Variants in STK26 observed in about 807,000 individuals in gnomAD.
STK26 encodes serine/threonine kinase 26, also known as serine/threonine-protein kinase 26.
Under a neutral mutation model 34.7 loss-of-function variants are expected in STK26, and 14 were observed. The observed-to-expected ratio is 0.40, with a 90% CI of 0.27 to 0.63. The LOEUF (loss-of-function observed/expected upper bound fraction) is 0.63. Ranked by LOEUF, STK26 falls within the 30% of genes least tolerant of loss-of-function variation. The pLI, the probability that STK26 is intolerant of heterozygous loss-of-function variation, is 0.38. For missense variants in STK26, 226 were observed against 309.1 expected, an observed-to-expected ratio of 0.73 and a Z score of 2.02; for synonymous variants, 100 against 109.8, an observed-to-expected ratio of 0.91 and a Z score of 0.56.
chrX:132,061,226 T>A (rs1437725333), intron 3 of STK26, among the ~76,000 whole-genome samples: 1 of 112,154 alleles, frequency 8.9e-6, no homozygotes, highest in Non-Finnish European at 1.9e-5. Flanking sequence ...ATTCATATGA[T>A]AGAGTATAGT....
Position 132,023,387 on chromosome X carries a change from C to T in STK26, c.-131C>T, listed in dbSNP as rs1422845190. On this transcript the variant is annotated 5_prime_UTR_variant, in exon 1 of 12. Coordinates refer to ENST00000394334, the MANE Select transcript of STK26 (RefSeq NM_016542.4). ...GCAGCAGCGGAGGCGGCTGCTTCAG[C>T]GGCGGGCGGGCGCCAGAAAGGTAGA... The T allele has an allele frequency of 3.8e-6, 2 of 533,220 alleles. No individual in the cohort carries two copies. Among genetic ancestry groups the T allele is most frequent in the Non-Finnish European group, 6.8e-6 (2 of 295,190 alleles). 43.9% of individuals were successfully genotyped at this position (533,220 alleles called of 1,213,427 possible).
intron 4 of STK26, among the ~76,000 whole-genome samples, chrX:132,067,412 C>A (rs1158955203): frequency 9.0e-6 from 1 of 110,929 alleles, no homozygotes; most frequent in African/African-American, 3.3e-5. Flanking sequence ...TTGTACAGTC[C>A]ACTGTTTGTG....
intron 2 of STK26, among the ~76,000 whole-genome samples, chrX:132,034,333 GTC>G (rs1240790095): frequency 1.4e-5 from 1 of 73,415 alleles, no homozygotes; most frequent in African/African-American, 5.2e-5. Context: ...TTGAGACGGA[GTC>G]TCGCTCTGTC....
chrX:132,041,491 T>G (rs1291760213), intron 2 of STK26, among the ~76,000 whole-genome samples: 1 of 111,375 alleles, frequency 9.0e-6, no homozygotes, highest in Admixed American at 9.6e-5. Context: ...TTACTGATCT[T>G]TTAGGGTAGA....
chrX:132,069,493 T>A lies in STK26; in HGVS notation c.613T>A (p.Leu205Met). 1 of 1,040,019 alleles carries A rather than the reference T, an allele frequency of 9.6e-7. No homozygotes were observed. The highest frequency in any genetic ancestry group is 1.2e-6 in the Non-Finnish European group (1 of 805,085). The allele number at this position is 1,040,019 out of a possible 1,213,427, so 85.7% of individuals were successfully genotyped here. A position where few individuals can be genotyped will look rare whatever the true frequency, so the allele number is the denominator to read the frequency against. The part of the protein sequence containing the change: ...AYDSKADIWS[L>M]GITAIELAKG... ...TTTACGTTAGGCTGACATTTGGTCATTGGGAATTACTGCTATTGAACTAGC... is the reference window on the plus strand; with the variant it reads ...TTTACGTTAGGCTGACATTTGGTCAATGGGAATTACTGCTATTGAACTAGC... Residue 205 changes from leucine (L) to methionine (M), a missense_variant, in exon 7 of 12, where the codon TTG (leucine) becomes ATG (methionine). Physicochemically the swap from Leu to Met is conservative, Grantham distance 15. Coordinates refer to ENST00000394334, the MANE Select transcript of STK26 (RefSeq NM_016542.4).
chrX:132,054,978 C>A, intron 3 of STK26, 117 bp downstream of exon 3: 1 of 607,932 alleles, frequency 1.6e-6, no homozygotes, highest in Non-Finnish European at 2.5e-6. Flanking sequence ...GGCTTCCAGG[C>A]AGAATCCAGC....
At chrX:132,035,824 T>G (rs1926022737) in intron 2 of STK26, among the ~76,000 whole-genome samples, 2 of 74,025 alleles carry the variant, frequency 2.7e-5, no homozygotes, top group African/African-American at 1.0e-4. Context: ...TTAATAGCTC[T>G]GGCTGCATAC....
chrX:132,033,816 C>A lies in STK26; in HGVS notation c.42+10157C>A, dbSNP rs751605269. On this transcript the variant is annotated intron_variant, in intron 2 of 11. Coordinates refer to ENST00000394334, the MANE Select transcript of STK26 (RefSeq NM_016542.4). Reference sequence around the variant, plus strand: ...TGAGCTCAAGAAGTTTATACTCTAACCAGAGTGACTAGACACCTACACATT... The same window carrying A: ...TGAGCTCAAGAAGTTTATACTCTAAACAGAGTGACTAGACACCTACACATT... Among the ~76,000 whole-genome samples, 26 of 111,061 alleles carry A rather than the reference C, an allele frequency of 2.3e-4. No individual in the cohort carries two copies. The South Asian group carries it at 9.5e-3, about 40-fold the overall frequency.
At chrX:132,073,531 A>G (rs1192421779) in intron 11 of STK26, among the ~76,000 whole-genome samples, 3 of 111,838 alleles carry the variant, frequency 2.7e-5, no homozygotes, top group Non-Finnish European at 5.6e-5. Flanking sequence ...AGGTAGAGGG[A>G]CTCAATCCAG....
chrX:132,063,318 A>G, intron 3 of STK26, 115 bp from the exon 4 acceptor site: 4 of 654,949 alleles, frequency 6.1e-6, no homozygotes, highest in South Asian at 3.4e-5. Context: ...GCTCCCACAA[A>G]TAAATGAGAA....
In STK26 at chrX:132,068,334, G is replaced by A. The variant is rs1927289138; in HGVS notation, c.439+11G>A. The A allele has an allele frequency of 8.4e-7, 1 of 1,197,154 alleles. No individual in the cohort carries two copies. Among genetic ancestry groups the A allele is most frequent in the Non-Finnish European group, 1.1e-6 (1 of 888,977 alleles). On this transcript the variant is annotated intron_variant, in intron 5 of 11. Coordinates refer to ENST00000394334, the MANE Select transcript of STK26 (RefSeq NM_016542.4). ...ACCGAGACATAAAAGGTATACAAAAGTCTAATATGAACCTGAGAAAAATAG... is the reference window on the plus strand; with the variant it reads ...ACCGAGACATAAAAGGTATACAAAAATCTAATATGAACCTGAGAAAAATAG...
intron 3 of STK26, among the ~76,000 whole-genome samples, chrX:132,058,832 A>G (rs1021478573): frequency 6.3e-5 from 7 of 111,120 alleles, no homozygotes; most frequent in African/African-American, 2.3e-4. Context: ...ATGTTGCTTC[A>G]TGATAAAATT....
intron 2 of STK26, among the ~76,000 whole-genome samples, chrX:132,026,462 C>T (rs1015938860): frequency 2.7e-5 from 3 of 111,418 alleles, no homozygotes; most frequent in African/African-American, 9.8e-5. Flanking sequence ...ATTTTCCATA[C>T]CAGTAGCTGA....
At chrX:132,067,883 T>G (rs1186007141) in intron 4 of STK26, among the ~76,000 whole-genome samples, 1 of 111,578 alleles carries the variant, frequency 9.0e-6, no homozygotes, top group East Asian at 2.8e-4. Context: ...GAACAGATAG[T>G]TGGTTCTGTC....
intron 3 of STK26, among the ~76,000 whole-genome samples, chrX:132,062,244 C>T (rs1927076001): frequency 1.8e-5 from 2 of 112,003 alleles, no homozygotes; most frequent in African/African-American, 6.5e-5. Context: ...TTTGGTCCCA[C>T]AAAAATTCAG....
chrX:132,030,306 C>T (rs1337270538), intron 2 of STK26, among the ~76,000 whole-genome samples: 4 of 110,072 alleles, frequency 3.6e-5, no homozygotes, highest in Non-Finnish European at 7.6e-5. Context: ...CTCCCCTCAT[C>T]TCTTCTCCTT....
At position 132,069,593 on chromosome X, in the gene STK26, C is replaced by G; in HGVS notation, c.713C>G (p.Thr238Ser). Residue 238 changes from threonine to serine, a missense_variant, in exon 7 of 12, where the codon ACT (threonine) becomes AGT (serine). By Grantham distance (58) the Thr-to-Ser change is moderately conservative. This residue lies in a region of STK26 where 100 missense variants were observed against 176.7 expected (regional missense o/e 0.57). Coordinates refer to ENST00000394334, the MANE Select transcript of STK26 (RefSeq NM_016542.4). ...CTTATTCCCAAAAACAATCCTCCAA[C>G]TCTTGTTGGAGACTTTACTAAGTCT... is the stretch of plus-strand genomic sequence containing the variant. ...LFLIPKNNPP[T>S]LVGDFTKSFK... 1 of 1,172,027 alleles carries G rather than the reference C, an allele frequency of 8.5e-7. No homozygotes were observed. Among genetic ancestry groups the G allele is most frequent in the Non-Finnish European group, 1.1e-6 (1 of 876,543 alleles).
intron 7 of STK26, 74 bp downstream of exon 7, chrX:132,069,737 G>A (rs1160943786): frequency 1.4e-6 from 1 of 690,735 alleles, no homozygotes. Context: ...AGCTTTTCCT[G>A]CAGTAGGGAA....
At chrX:132,071,022 A>C in intron 7 of STK26, 47 bp from the exon 8 acceptor site, 1 of 1,147,941 alleles carries the variant, frequency 8.7e-7, no homozygotes, top group Non-Finnish European at 1.2e-6. Flanking sequence ...TTGTAATCAT[A>C]AGAGTTCAAC....
Sources: allele counts gnomAD v4.1 joint callset (sites outside exome capture counted in the v4.1 genomes callset), GRCh38; gene constraint gnomAD v4.1.1; regional missense constraint gnomAD v4.1.1; transcripts MANE v1.5; gene names NCBI Gene and HGNC (gene_info 2026-07-23, HGNC 2026-07-21).